Variants in CCNY observed in about 807,000 individuals in gnomAD.
The protein encoded by CCNY is cyclin Y.
Under a neutral mutation model 42.8 loss-of-function variants are expected in CCNY, and 19 were observed. That is an observed-to-expected ratio of 0.44 (90% CI 0.31 to 0.65). The LOEUF (loss-of-function observed/expected upper bound fraction) is 0.65, where lower values mean the gene tolerates loss of function less well. Among genes scored for constraint, CCNY ranks in the 30% least tolerant of loss-of-function variants. The pLI, the probability that CCNY is intolerant of heterozygous loss-of-function variation, is 0.07. For missense variants in CCNY, 370 were observed against 437.3 expected (o/e 0.85, Z 1.37); for synonymous variants, 165 against 162.7 (o/e 1.01, Z -0.11).
intron 5 of CCNY, among the ~76,000 whole-genome samples, chr10:35,528,761 G>A (rs1840704236): frequency 6.6e-6 from 1 of 152,132 alleles, no homozygotes; most frequent in Non-Finnish European, 1.5e-5. Context: ...TGCAAATGTA[G>A]GAATGAAAAT....
chr10:35,433,231 AT>A (rs1313884057), intron 1 of CCNY, among the ~76,000 whole-genome samples: 1 of 152,196 alleles, frequency 6.6e-6, no homozygotes, highest in Non-Finnish European at 1.5e-5. Flanking sequence ...GGGGTTTTTC[AT>A]TGATTATCTC....
chr10:35,435,372 C>T (rs1050026130), intron 1 of CCNY, among the ~76,000 whole-genome samples: 2 of 152,128 alleles, frequency 1.3e-5, no homozygotes, highest in Admixed American at 6.6e-5. Flanking sequence ...ACATAAAGGC[C>T]CCTTGTAAGG....
intron 1 of CCNY, among the ~76,000 whole-genome samples, chr10:35,353,993 T>C (rs1020883731): frequency 6.6e-6 from 1 of 152,066 alleles, no homozygotes; most frequent in Non-Finnish European, 1.5e-5. Flanking sequence ...ATGGCTCAAC[T>C]AGGGGAACTG....
intron 3 of CCNY, among the ~76,000 whole-genome samples, chr10:35,267,658 A>C (rs2095727004): frequency 6.6e-6 from 1 of 152,188 alleles, no homozygotes; most frequent in Non-Finnish European, 1.5e-5. Flanking sequence ...CTCTTGTGAC[A>C]GAAAACACTG....
At position 35,559,323 on chromosome 10, in the gene CCNY, G is replaced by A. The variant is rs139522658; in HGVS notation, c.746+6138G>A. On this transcript the variant is annotated intron_variant, in intron 8 of 9. Transcript: ENST00000374704. ...GTGGAATGTTTAAGAAATGAATGTGGATGTTTTAGCCAAGGAGATTTCCAT... is the reference window on the plus strand; with the variant it reads ...GTGGAATGTTTAAGAAATGAATGTGAATGTTTTAGCCAAGGAGATTTCCAT... Among the ~76,000 whole-genome samples the A allele has an allele frequency of 3.9e-3, 590 of 152,298 alleles. 4 individuals carry two copies. Among genetic ancestry groups the A allele is most frequent in the African/African-American group, 0.014 (574 of 41,562 alleles).
intron 3 of CCNY, among the ~76,000 whole-genome samples, chr10:35,311,012 C>T (rs1232366160): frequency 6.6e-6 from 1 of 151,424 alleles, no homozygotes; most frequent in Non-Finnish European, 1.5e-5. Flanking sequence ...CAAAACAAAA[C>T]AAAACAAAAC....
At chr10:35,396,322 C>A (rs1279744844) in intron 1 of CCNY, among the ~76,000 whole-genome samples, 1 of 152,172 alleles carries the variant, frequency 6.6e-6, no homozygotes, top group South Asian at 2.1e-4. Context: ...AAAGCACTCA[C>A]CAGACAGGCC....
intron 4 of CCNY, among the ~76,000 whole-genome samples, chr10:35,523,661 G>A (rs977008376): frequency 3.9e-5 from 6 of 152,124 alleles, no homozygotes; most frequent in African/African-American, 9.7e-5. Context: ...GAAGATTCTC[G>A]CCCATTCGGC....
intron 3 of CCNY, among the ~76,000 whole-genome samples, chr10:35,510,538 T>C (rs1245765038): frequency 6.6e-6 from 1 of 152,190 alleles, no homozygotes; most frequent in Non-Finnish European, 1.5e-5. Context: ...TAATGCTTTT[T>C]TTTGATCCTA....
intron 2 of CCNY, 22 bp from the exon 3 acceptor site, chr10:35,501,479 G>A (rs201878741): frequency 6.9e-5 from 111 of 1,612,156 alleles, no homozygotes; most frequent in Non-Finnish European, 8.5e-5. Flanking sequence ...TAACATTTCT[G>A]TTGCATCTTT....
chr10:35,382,878 A>G (rs1837218383), intron 1 of CCNY, among the ~76,000 whole-genome samples: 1 of 152,176 alleles, frequency 6.6e-6, no homozygotes, highest in Admixed American at 6.5e-5. Context: ...ATAAAATCCA[A>G]AAGGTAAAAA....
chr10:35,473,217 A>T (rs771842951), intron 1 of CCNY, among the ~76,000 whole-genome samples: 8 of 152,192 alleles, frequency 5.3e-5, no homozygotes, highest in Admixed American at 1.3e-4. Context: ...CAGGCCGTAC[A>T]TGTCTCTGTC....
intron 1 of CCNY, among the ~76,000 whole-genome samples, chr10:35,415,427 A>G (rs1330494079): frequency 6.6e-6 from 1 of 152,068 alleles, no homozygotes; most frequent in Admixed American, 6.6e-5. Flanking sequence ...CCTAATCCTC[A>G]GGGCAGAAAG....
chr10:35,538,358 G>A (rs1840927929), intron 7 of CCNY, among the ~76,000 whole-genome samples: 1 of 152,172 alleles, frequency 6.6e-6, no homozygotes, highest in African/African-American at 2.4e-5. Flanking sequence ...GGGTCATATG[G>A]TAACTCTGTT....
upstream of CCNY, chr10:35,336,040 T>C (rs1836018516): frequency 6.6e-6 from 1 of 152,316 alleles, no homozygotes; most frequent in South Asian, 2.1e-4. Flanking sequence ...ATTGCGCCAC[T>C]GCCCTCCAGC....
intron 1 of CCNY, among the ~76,000 whole-genome samples, chr10:35,354,988 A>C (rs937197289): frequency 6.6e-6 from 1 of 152,156 alleles, no homozygotes; most frequent in East Asian, 1.9e-4. Flanking sequence ...TGGCCACCCC[A>C]GTGGTTCTAG....
intron 3 of CCNY, among the ~76,000 whole-genome samples, chr10:35,266,163 C>T (rs1289169686): frequency 6.6e-6 from 1 of 151,854 alleles, no homozygotes; most frequent in Non-Finnish European, 1.5e-5. Context: ...CTACAACCTC[C>T]ACCTCCCAGG....
upstream of CCNY, among the ~76,000 whole-genome samples, chr10:35,332,823 C>G (rs1328354000): frequency 6.6e-6 from 1 of 152,160 alleles, no homozygotes; most frequent in East Asian, 1.9e-4. Context: ...CCAGGATGGT[C>G]TTGATCTCCT....
chr10:35,501,849 C>T (rs540893418), intron 3 of CCNY, among the ~76,000 whole-genome samples: 2 of 152,224 alleles, frequency 1.3e-5, no homozygotes, highest in Non-Finnish European at 1.5e-5. Flanking sequence ...CCTTTCCTTT[C>T]TCTACCCTCA....
Sources: gnomAD v4.1 joint callset for allele counts (sites outside exome capture counted in the v4.1 genomes callset) on GRCh38, gnomAD v4.1.1 for gene constraint, MANE v1.5 for transcripts, NCBI Gene and HGNC (gene_info 2026-07-23, HGNC 2026-07-21) for gene names.